CSMD3: variants seen among roughly 807,000 people sequenced by gnomAD.
The protein encoded by CSMD3 is CUB and sushi domain-containing protein 3.
Under a neutral mutation model 435.2 loss-of-function variants are expected in CSMD3, and 177 were observed. The ratio of observed to expected loss-of-function variants is 0.41; its 90% confidence interval spans 0.36 to 0.46. The LOEUF (loss-of-function observed/expected upper bound fraction) is 0.46. Ranked by LOEUF, CSMD3 falls within the 20% of genes least tolerant of loss-of-function variation. The probability of loss-of-function intolerance (pLI) is 0.34; values close to 1 mark genes in which losing one functional copy is unlikely to be tolerated. For missense variants in CSMD3, 4,265 were observed against 4,504.6 expected (o/e 0.95, Z 1.52); for synonymous variants, 1,656 against 1,520.5 (o/e 1.09, Z -2.07).
intron 7 of CSMD3, among the ~76,000 whole-genome samples, chr8:112,973,218 T>A (rs1383166642): frequency 6.6e-6 from 1 of 151,982 alleles, no homozygotes; most frequent in Non-Finnish European, 1.5e-5. Flanking sequence ...GATTTTTATT[T>A]GTAAAAGTTC....
At chr8:112,692,878 ATC>A (rs1448260230) in intron 13 of CSMD3, among the ~76,000 whole-genome samples, 4 of 151,976 alleles carry the variant, frequency 2.6e-5, no homozygotes, top group Non-Finnish European at 4.4e-5. Flanking sequence ...ATTGTTATCA[ATC>A]TCTTTCTGTG....
chr8:112,707,648 GA>G (rs2076528342), intron 13 of CSMD3, among the ~76,000 whole-genome samples: 1 of 152,100 alleles, frequency 6.6e-6, no homozygotes, highest in Non-Finnish European at 1.5e-5. Context: ...GGGTTGTTTT[GA>G]AAACTACTTC....
chr8:112,384,023 T>A (rs1829718846), intron 36 of CSMD3, among the ~76,000 whole-genome samples: 1 of 152,232 alleles, frequency 6.6e-6, no homozygotes, highest in Non-Finnish European at 1.5e-5. Flanking sequence ...GTATATGTAC[T>A]GATTTGAGTT....
At chr8:113,343,641 C>T (rs1428308965) in intron 1 of CSMD3, among the ~76,000 whole-genome samples, 3 of 152,066 alleles carry the variant, frequency 2.0e-5, no homozygotes, top group African/African-American at 4.8e-5. Context: ...AAGCAACAAG[C>T]GAACCACAGC....
chr8:112,336,334 G>A (rs918816861), intron 44 of CSMD3, among the ~76,000 whole-genome samples: 5 of 152,094 alleles, frequency 3.3e-5, no homozygotes, highest in Admixed American at 2.6e-4. Flanking sequence ...GCTTTTGTAA[G>A]TAGAGAACTT....
intron 4 of CSMD3, among the ~76,000 whole-genome samples, chr8:113,146,992 G>A (rs1390339802): frequency 6.6e-6 from 1 of 151,618 alleles, no homozygotes; most frequent in African/African-American, 2.4e-5. Flanking sequence ...ATGCACAACT[G>A]AGCACTTGCA....
chr8:113,104,278 A>AT (rs1469392148), intron 4 of CSMD3, among the ~76,000 whole-genome samples: 2 of 152,122 alleles, frequency 1.3e-5, no homozygotes, highest in Non-Finnish European at 2.9e-5. Context: ...ATCATGGAAC[A>AT]TTTTTTCTAC....
At chr8:113,116,139 T>C (rs1198429893) in intron 4 of CSMD3, among the ~76,000 whole-genome samples, 1 of 152,100 alleles carries the variant, frequency 6.6e-6, no homozygotes, top group Non-Finnish European at 1.5e-5. Context: ...TAAAAAAACA[T>C]AATTTATTTC....
intron 5 of CSMD3, among the ~76,000 whole-genome samples, chr8:113,064,330 C>T (rs1189417467): frequency 6.6e-6 from 1 of 151,856 alleles, no homozygotes; most frequent in Non-Finnish European, 1.5e-5. Flanking sequence ...CATTTGGCCC[C>T]ATTTTGTCCA....
At chr8:112,343,934 G>A (rs1825429494) in intron 41 of CSMD3, among the ~76,000 whole-genome samples, 1 of 152,010 alleles carries the variant, frequency 6.6e-6, no homozygotes, top group Non-Finnish European at 1.5e-5. Context: ...CCAGGCTGGA[G>A]TGCAGTGGCA....
chr8:112,462,999 A>G lies in CSMD3; in HGVS notation c.5395+9592T>C, dbSNP rs563496316. Among the ~76,000 whole-genome samples, 3 of 152,278 alleles carry G rather than the reference A, an allele frequency of 2.0e-5. No homozygotes were observed. In the South Asian group the frequency reaches 6.2e-4, roughly 32 times the overall value. ...GGCAGTTTGCCTTGCTCTCCCTAGA[A>G]AGTCTCATTTTGTGAGTAACACGGC... On this transcript the variant is annotated intron_variant, in intron 32 of 70. Coordinates refer to ENST00000297405, the MANE Select transcript of CSMD3 (RefSeq NM_198123.2).
intron 45 of CSMD3, among the ~76,000 whole-genome samples, chr8:112,331,488 C>T (rs185146454): frequency 1.1e-3 from 165 of 151,838 alleles, no homozygotes; most frequent in Non-Finnish European, 2.0e-3. Context: ...AAAGGCTTTA[C>T]GAAGGTGATG....
intron 10 of CSMD3, among the ~76,000 whole-genome samples, chr8:112,908,749 A>C (rs1428841869): frequency 2.0e-5 from 3 of 151,590 alleles, no homozygotes; most frequent in Non-Finnish European, 3.0e-5. Flanking sequence ...TTTTATGGTC[A>C]TGAAAATGAA....
chr8:113,095,168 C>T (rs1350074712), intron 5 of CSMD3, among the ~76,000 whole-genome samples: 2 of 152,086 alleles, frequency 1.3e-5, no homozygotes, highest in African/African-American at 4.8e-5. Flanking sequence ...CCAATTCTCC[C>T]TTAAAACTAT....
At chr8:112,863,679 TATTCA>T in intron 10 of CSMD3, among the ~76,000 whole-genome samples, 1 of 152,122 alleles carries the variant, frequency 6.6e-6, no homozygotes, top group Non-Finnish European at 1.5e-5. Flanking sequence ...TTGGTGTCTG[TATTCA>T]ATTTTATTGA....
At chr8:112,615,503 T>G (rs1048088018) in intron 22 of CSMD3, among the ~76,000 whole-genome samples, 15 of 152,098 alleles carry the variant, frequency 9.9e-5, no homozygotes, top group African/African-American at 3.4e-4. Context: ...CCTAGAAGCA[T>G]GCAGAAATCT....
Position 112,899,941 on chromosome 8 carries a change from AG to A in CSMD3, c.1633+21685del, listed in dbSNP as rs772567382. Among the ~76,000 whole-genome samples, 85 of 151,220 alleles carry A rather than the reference AG, an allele frequency of 5.6e-4. 1 individual carries two copies. The highest frequency in any genetic ancestry group is 6.8e-3 in the Middle Eastern group (2 of 294). On this transcript the variant is annotated intron_variant, in intron 10 of 70. Coordinates refer to ENST00000297405, the MANE Select transcript of CSMD3 (RefSeq NM_198123.2). ...ACATTATTTTTATTTGTTAGAATAA[AG>A]TACCTTCAATTTGGAAAGTTGTAAT...
At chr8:112,438,817 T>G (rs190244312) in intron 32 of CSMD3, among the ~76,000 whole-genome samples, 132 of 152,316 alleles carry the variant, frequency 8.7e-4, no homozygotes, top group African/African-American at 3.1e-3. Context: ...TAACCCCATA[T>G]AGCTACTACC....
chr8:112,515,382 T>A (rs1275243864), intron 28 of CSMD3, among the ~76,000 whole-genome samples: 2 of 152,118 alleles, frequency 1.3e-5, no homozygotes, highest in Non-Finnish European at 2.9e-5. Context: ...TTCCAATTAA[T>A]TAGAATAAGA....
Sources: allele counts gnomAD v4.1 joint callset (sites outside exome capture counted in the v4.1 genomes callset), GRCh38; gene constraint gnomAD v4.1.1; transcripts MANE v1.5; gene names NCBI Gene and HGNC (gene_info 2026-07-23, HGNC 2026-07-21).